Variants in LYPLAL1 observed in about 807,000 individuals in gnomAD.
The protein encoded by LYPLAL1 is lysophospholipase-like protein 1.
Under a neutral mutation model 19.7 loss-of-function variants are expected in LYPLAL1, and 23 were observed. The ratio of observed to expected loss-of-function variants is 1.17; its 90% confidence interval spans 0.84 to 1.65. The LOEUF (loss-of-function observed/expected upper bound fraction) is 1.65. Among genes scored for constraint, LYPLAL1 ranks in the 40% most tolerant of loss-of-function variants. LYPLAL1 has a pLI of 0.00. For missense variants in LYPLAL1, 355 were observed against 279.4 expected (o/e 1.27, Z -1.93); for synonymous variants, 119 against 96.3 (o/e 1.24, Z -1.38).
the LYPLAL1 span, among the ~76,000 whole-genome samples, chr1:219,247,066 T>C: frequency 7.9e-5 from 12 of 152,164 alleles, no homozygotes; most frequent in African/African-American, 2.7e-4. Flanking sequence ...CAAGACTATT[T>C]TGAGTATTAA....
the LYPLAL1 span, among the ~76,000 whole-genome samples, chr1:219,236,434 T>C: frequency 1.5e-3 from 228 of 152,374 alleles, no homozygotes; most frequent in Admixed American, 4.2e-3. Context: ...TGCATGGTTT[T>C]AGTTGTCTGT....
chr1:219,352,273 G>A, the LYPLAL1 span, among the ~76,000 whole-genome samples: 1 of 152,292 alleles, frequency 6.6e-6, no homozygotes, highest in Admixed American at 6.5e-5. Flanking sequence ...GCTCACGCCT[G>A]TAATCCCAGC....
At chr1:219,338,043 C>G in the LYPLAL1 span, among the ~76,000 whole-genome samples, 1 of 151,920 alleles carries the variant, frequency 6.6e-6, no homozygotes, top group African/African-American at 2.4e-5. Flanking sequence ...TAATAGTTCA[C>G]CTAAATTTTG....
At chr1:219,319,329 T>TGCC in the LYPLAL1 span, among the ~76,000 whole-genome samples, 1 of 152,120 alleles carries the variant, frequency 6.6e-6, no homozygotes, top group Non-Finnish European at 1.5e-5. Flanking sequence ...ATTAATGTGG[T>TGCC]GCCTGGGGAA....
chr1:219,277,302 TTTCACCCAGACCTGAAAATA>T, the LYPLAL1 span, among the ~76,000 whole-genome samples: 84 of 152,320 alleles, frequency 5.5e-4, no homozygotes, highest in African/African-American at 1.8e-3. Context: ...TGGCAGCACC[TTTCACCCAGACCTGAAAATA>T]TTCATTGATT....
the LYPLAL1 span, among the ~76,000 whole-genome samples, chr1:219,310,041 G>T: frequency 6.6e-6 from 1 of 152,132 alleles, no homozygotes; most frequent in East Asian, 1.9e-4. Context: ...GTGATAGTGT[G>T]CTCTCTGGGA....
chr1:219,174,997 A>G (rs1655692581), intron 1 of LYPLAL1: 1 of 985,340 alleles, frequency 1.0e-6, no homozygotes, highest in South Asian at 4.7e-5. Context: ...CTTTTCGAAG[A>G]AAGTGGTCTT....
downstream of LYPLAL1, among the ~76,000 whole-genome samples, chr1:219,213,349 A>G (rs923836903): frequency 2.0e-5 from 3 of 151,294 alleles, no homozygotes; most frequent in African/African-American, 7.3e-5. Flanking sequence ...GAAATCAGGT[A>G]GAGTAAGTCC....
chr1:219,210,733 A>AAC (rs1281717874), intron 4 of LYPLAL1, 86 bp downstream of exon 4: 2 of 1,249,282 alleles, frequency 1.6e-6, no homozygotes, highest in Non-Finnish European at 2.2e-6. Context: ...AAAGCTGTAA[A>AAC]ACACACACAC....
At chr1:219,383,216 A>C in the LYPLAL1 span, among the ~76,000 whole-genome samples, 3 of 152,222 alleles carry the variant, frequency 2.0e-5, no homozygotes, top group Admixed American at 2.0e-4. Flanking sequence ...CACTTGTCCT[A>C]AGAACATTTA....
At chr1:219,302,840 C>T in the LYPLAL1 span, among the ~76,000 whole-genome samples, 27 of 152,238 alleles carry the variant, frequency 1.8e-4, no homozygotes, top group Admixed American at 1.4e-3. Context: ...CATTCCAGCT[C>T]ACAGGAATTC....
the LYPLAL1 span, among the ~76,000 whole-genome samples, chr1:219,324,596 G>T: frequency 6.6e-6 from 1 of 152,156 alleles, no homozygotes; most frequent in Admixed American, 6.5e-5. Flanking sequence ...TTGTATTATA[G>T]TGTTAGGATT....
chr1:219,331,960 G>A, the LYPLAL1 span, among the ~76,000 whole-genome samples: 2 of 152,140 alleles, frequency 1.3e-5, no homozygotes, highest in Non-Finnish European at 2.9e-5. Context: ...ATTAATGCTA[G>A]GTTGCATAGA....
chr1:219,310,748 T>C, the LYPLAL1 span, among the ~76,000 whole-genome samples: 5 of 152,240 alleles, frequency 3.3e-5, no homozygotes, highest in South Asian at 1.0e-3. Context: ...CCCTTACCCC[T>C]ATGGGAAAAA....
At chr1:219,181,846 CAGACACTGAGGGATACTGTATCTCTAA>C (rs1291490695) in intron 2 of LYPLAL1, among the ~76,000 whole-genome samples, 1 of 152,096 alleles carries the variant, frequency 6.6e-6, no homozygotes, top group Non-Finnish European at 1.5e-5. Flanking sequence ...TGTATCCCTA[CAGACACTGAGGGATACTGTATCTCTAA>C]GCACTTAGCA....
the LYPLAL1 span, among the ~76,000 whole-genome samples, chr1:219,387,407 G>T: frequency 5.3e-5 from 8 of 152,118 alleles, no homozygotes; most frequent in African/African-American, 1.4e-4. Context: ...ACCTGTAACT[G>T]CTGTGTTTAC....
chr1:219,388,747 T>C, the LYPLAL1 span, among the ~76,000 whole-genome samples: 1 of 152,196 alleles, frequency 6.6e-6, no homozygotes, highest in African/African-American at 2.4e-5. Context: ...GTCATTGGCT[T>C]CCCTGCAGGT....
At chr1:219,407,696 T>G in the LYPLAL1 span, among the ~76,000 whole-genome samples, 1 of 152,200 alleles carries the variant, frequency 6.6e-6, no homozygotes, top group South Asian at 2.1e-4. Context: ...GGAAAACAAC[T>G]GAGTGGATGA....
the LYPLAL1 span, among the ~76,000 whole-genome samples, chr1:219,235,440 T>A: frequency 6.6e-6 from 1 of 152,194 alleles, no homozygotes; most frequent in Non-Finnish European, 1.5e-5. Flanking sequence ...CATAATTTAA[T>A]TACCTATGGA....
Sources: allele counts gnomAD v4.1 joint callset (sites outside exome capture counted in the v4.1 genomes callset), GRCh38; gene constraint gnomAD v4.1.1; transcripts MANE v1.5; gene names NCBI Gene and HGNC (gene_info 2026-07-23, HGNC 2026-07-21).